PXDN: variants seen among roughly 807,000 people sequenced by gnomAD.
The protein encoded by PXDN is peroxidasin homolog.
A neutral mutation model predicts 140.3 loss-of-function variants in PXDN; 77 were observed. The ratio of observed to expected loss-of-function variants is 0.55; its 90% CI spans 0.46 to 0.66. The LOEUF is 0.66. PXDN is among the 30% of genes least tolerant of loss of function. The probability of loss-of-function intolerance (pLI) is 0.00; values close to 1 mark genes in which losing one functional copy is unlikely to be tolerated. For synonymous variants in PXDN, 911 were observed against 857.4 expected, an observed-to-expected ratio of 1.06 and a Z score of -1.09; for missense variants, 1,838 against 2,039.5, an observed-to-expected ratio of 0.90 and a Z score of 1.90.
At chr2:1,718,805 T>A (rs913528231) in intron 1 of PXDN, among the ~76,000 whole-genome samples, 5 of 152,242 alleles carry the variant, frequency 3.3e-5, no homozygotes. Flanking sequence ...GGTCTCCAGC[T>A]CTGGCCTGCC....
Position 1,648,848 on chromosome 2 carries a change from C to A in PXDN, c.2932G>T (p.Ala978Ser). 6.2e-7 allele frequency: 1 copy of A among 1,600,560 alleles called. No homozygotes were observed. Among genetic ancestry groups the A allele is most frequent in the Non-Finnish European group, 8.5e-7 (1 of 1,176,408 alleles). ...IPCFLAGDHR[A>S]NEQLGLTSMH... Reference sequence around the variant, plus strand: ...CTGGTCAGGCCCAGCTGCTCGTTGGCGCGGTGGTCCCCGGCCAGGAAGCAG... The same window carrying A: ...CTGGTCAGGCCCAGCTGCTCGTTGGAGCGGTGGTCCCCGGCCAGGAAGCAG... The change falls in exon 17 of 23, where the codon GCC becomes TCC. Residue 978 changes from alanine (A) to serine (S), a missense_variant. Transcript: ENST00000252804. The surrounding 1 kb of genome is among the most constrained non-coding windows in gnomAD (Gnocchi z 8.9).
chr2:1,680,687 C>T (rs1429385894), intron 6 of PXDN, among the ~76,000 whole-genome samples: 2 of 152,166 alleles, frequency 1.3e-5, no homozygotes, highest in Non-Finnish European at 2.9e-5. Flanking sequence ...GTGCCAGCGG[C>T]ACAGGTCAGG....
chr2:1,716,946 A>C (rs72763588), intron 1 of PXDN, among the ~76,000 whole-genome samples: 5,961 of 152,270 alleles, frequency 0.039, 188 homozygotes, highest in Non-Finnish European at 0.059. Context: ...AGGCGTCACT[A>C]GCCTTGCCCC....
intron 14 of PXDN, among the ~76,000 whole-genome samples, chr2:1,658,792 C>A (rs111642845): frequency 0.087 from 12,063 of 138,484 alleles, 730 homozygotes; most frequent in East Asian, 0.24. Flanking sequence ...CCAGGACCCC[C>A]CCACTCTACT....
intron 9 of PXDN, among the ~76,000 whole-genome samples, chr2:1,667,943 A>G (rs964734157): frequency 3.3e-5 from 5 of 152,226 alleles, no homozygotes; most frequent in Non-Finnish European, 1.5e-5. Context: ...ACAGAGCTAG[A>G]AAAAACTACT....
Position 1,687,770 on chromosome 2 carries a change from G to T in PXDN, c.345-67C>A. The T allele has an allele frequency of 8.3e-7, 1 of 1,205,306 alleles. No individual in the cohort carries two copies. Among genetic ancestry groups the T allele is most frequent in the Admixed American group, 2.0e-5 (1 of 49,146 alleles). 74.7% of individuals were successfully genotyped at this position (1,205,306 alleles called of 1,614,324 possible). On this transcript the variant is annotated intron_variant, in intron 3 of 22. Transcript: ENST00000252804. The surrounding 1 kb of genome is among the most constrained non-coding windows in gnomAD (Gnocchi z 4.0). ...AGGTCAAACTTCAGACGGAAAAGAA[G>T]AATTAAATTGACACATGGAGACAGT...
intron 1 of PXDN, among the ~76,000 whole-genome samples, chr2:1,716,633 C>G (rs1684902959): frequency 6.6e-6 from 1 of 152,048 alleles, no homozygotes; most frequent in Non-Finnish European, 1.5e-5. Context: ...CATGGAGGCC[C>G]AGTGTGCAGC....
At chr2:1,673,270 A>C (rs976567160) in intron 9 of PXDN, among the ~76,000 whole-genome samples, 21 of 151,688 alleles carry the variant, frequency 1.4e-4, no homozygotes, top group African/African-American at 4.4e-4. Context: ...CAAAATAGAG[A>C]CCTCGTTACC....
At chr2:1,744,159 T>G (rs1455616489) in intron 1 of PXDN, 97 bp downstream of exon 1, 117 of 594,582 alleles carry the variant, frequency 2.0e-4, no homozygotes, top group South Asian at 3.4e-4. Flanking sequence ...CGATGCCCCC[T>G]CCACCCTCCG....
rs10180168 is a variant in PXDN, at chr2:1,714,087, A to G, written c.201-20953T>C. On this transcript the variant is annotated intron_variant, in intron 1 of 22. Transcript: ENST00000252804. This position sits in a 1 kb window ranked among gnomAD's most constrained non-coding sequence, Gnocchi z 4.3. ...CTTTGGAAATGGCCTTCGGATAAAC[A>G]GCTTCAAGAAAGCGCATCCGTCACC... Among the ~76,000 whole-genome samples the G allele has an allele frequency of 0.18, 27,506 of 152,238 alleles. 6,526 individuals are homozygous for G. Among genetic ancestry groups the G allele is most frequent in the African/African-American group, 0.55 (22,915 of 41,510 alleles).
chr2:1,694,994 A>G (rs567372311), intron 1 of PXDN, among the ~76,000 whole-genome samples: 2 of 152,344 alleles, frequency 1.3e-5, no homozygotes, highest in South Asian at 4.1e-4. Context: ...CACAGCTTAG[A>G]GCAAAAATCA....
intron 1 of PXDN, among the ~76,000 whole-genome samples, chr2:1,725,728 C>T (rs1409237868): frequency 3.3e-5 from 5 of 151,978 alleles, no homozygotes; most frequent in Non-Finnish European, 7.4e-5. Flanking sequence ...AACAAATTTA[C>T]AAGAAAAAAA....
chr2:1,671,319 T>C (rs1386060626), intron 9 of PXDN, among the ~76,000 whole-genome samples: 1 of 152,100 alleles, frequency 6.6e-6, no homozygotes, highest in Non-Finnish European at 1.5e-5. Flanking sequence ...GGACAAACAG[T>C]TCAGAATAAG....
chr2:1,661,302 T>A (rs775080078), intron 13 of PXDN, among the ~76,000 whole-genome samples: 2 of 152,146 alleles, frequency 1.3e-5, no homozygotes, highest in African/African-American at 2.4e-5. Flanking sequence ...TTTTCCACAA[T>A]GAGGAGAAGA....
intron 3 of PXDN, among the ~76,000 whole-genome samples, chr2:1,688,664 T>C (rs1684118774): frequency 6.6e-6 from 1 of 152,082 alleles, no homozygotes; most frequent in Non-Finnish European, 1.5e-5. Context: ...GCCACTACCG[T>C]TTCTTAGAAT....
At chr2:1,659,937 T>C (rs1375832194) in intron 14 of PXDN, among the ~76,000 whole-genome samples, 3 of 151,524 alleles carry the variant, frequency 2.0e-5, no homozygotes, top group Non-Finnish European at 4.4e-5. Flanking sequence ...ACAATGAGAG[T>C]GGAAAAGGCA....
intron 1 of PXDN, among the ~76,000 whole-genome samples, chr2:1,731,857 G>T (rs1419742609): frequency 1.3e-5 from 2 of 152,176 alleles, no homozygotes; most frequent in Admixed American, 6.5e-5. Flanking sequence ...AACTAAAGCC[G>T]AATGGCCCTG....
At chr2:1,680,147 A>ATGGTGTGTGTGTG (rs1558505632) in intron 7 of PXDN, 46 bp downstream of exon 7, 3 of 1,469,776 alleles carry the variant, frequency 2.0e-6, no homozygotes, top group Non-Finnish European at 2.7e-6. Flanking sequence ...GTGTGTGTGT[A>ATGGTGTGTGTGTG]GATGGTGTGA....
chr2:1,714,172 C>G lies in PXDN; in HGVS notation c.201-21038G>C, dbSNP rs1684846024. On this transcript the variant is annotated intron_variant, in intron 1 of 22. Coordinates refer to ENST00000252804, the MANE Select transcript of PXDN (RefSeq NM_012293.3). This position sits in a 1 kb window ranked among gnomAD's most constrained non-coding sequence, Gnocchi z 4.3. The stretch of plus-strand genomic sequence containing the variant: ...TCCAGGATACTGTTTTTTTCAACTA[C>G]CTCATTTATTGCTCTTACATCTGCA... Among the ~76,000 whole-genome samples the G allele has an allele frequency of 6.6e-6, 1 of 152,234 alleles. No individual in the cohort carries two copies. Among genetic ancestry groups the G allele is most frequent in the Non-Finnish European group, 1.5e-5 (1 of 68,034 alleles).
Sources: allele counts gnomAD v4.1 joint callset (sites outside exome capture counted in the v4.1 genomes callset), GRCh38; gene constraint gnomAD v4.1.1; non-coding constraint Gnocchi (gnomAD v3.1); transcripts MANE v1.5; gene names NCBI Gene and HGNC (gene_info 2026-07-23, HGNC 2026-07-21).